MPHOSPH9: variants seen among roughly 807,000 people sequenced by gnomAD.
MPHOSPH9 encodes the protein M-phase phosphoprotein 9.
In MPHOSPH9, 88 loss-of-function variants were observed where a neutral mutation model predicts 145.5. That is an observed-to-expected ratio of 0.60 (90% CI 0.51 to 0.72). The LOEUF (loss-of-function observed/expected upper bound fraction) is 0.72. MPHOSPH9 is among the 30% of genes least tolerant of loss of function. The pLI, the probability that MPHOSPH9 is intolerant of heterozygous loss-of-function variation, is 0.00. For synonymous variants in MPHOSPH9, 435 were observed against 486.2 expected, an observed-to-expected ratio of 0.89 and a Z score of 1.39; for missense variants, 1,238 against 1,386.6, an observed-to-expected ratio of 0.89 and a Z score of 1.70.
intron 8 of MPHOSPH9, among the ~76,000 whole-genome samples, chr12:123,207,110 C>T (rs2046468017): frequency 7.4e-6 from 1 of 134,552 alleles, no homozygotes; most frequent in African/African-American, 2.7e-5. Context: ...TCTAAAGACT[C>T]TTTCCATAAG....
chr12:123,167,273 T>C (rs947647353), intron 16 of MPHOSPH9, among the ~76,000 whole-genome samples: 1 of 152,166 alleles, frequency 6.6e-6, no homozygotes, highest in Non-Finnish European at 1.5e-5. Flanking sequence ...GAACCAATTA[T>C]AAAACGTTAA....
chr12:123,224,340 T>C (rs1467795763), intron 3 of MPHOSPH9, among the ~76,000 whole-genome samples: 2 of 151,958 alleles, frequency 1.3e-5, no homozygotes, highest in Non-Finnish European at 2.9e-5. Flanking sequence ...TTCACCATGT[T>C]AGCCAGGATG....
At chr12:123,212,979 C>T (rs909966638) in intron 7 of MPHOSPH9, among the ~76,000 whole-genome samples, 3 of 150,718 alleles carry the variant, frequency 2.0e-5, no homozygotes, top group Admixed American at 2.0e-4. Context: ...CCTGCCTCAG[C>T]CTCTTGAGCA....
At chr12:123,197,447 C>T (rs1593163372) in intron 12 of MPHOSPH9, among the ~76,000 whole-genome samples, 1 of 152,002 alleles carries the variant, frequency 6.6e-6, no homozygotes, top group East Asian at 2.0e-4. Context: ...GCTAGGATTA[C>T]TGACATGAGC....
In MPHOSPH9 at chr12:123,183,547, C is replaced by CAAAAAAA. The variant is rs746928699; in HGVS notation, c.2242-2344_2242-2338dup. ...AAGGTGACAGAGCAAGACTCTGTCT[C>CAAAAAAA]AAAAAAAAAAAAAAAAAAAAAAAGA... is the stretch of plus-strand genomic sequence containing the variant. On this transcript the variant is annotated intron_variant, in intron 13 of 23. Transcript: ENST00000606320. Among the ~76,000 whole-genome samples, 43 of 59,472 alleles carry CAAAAAAA rather than the reference C, an allele frequency of 7.2e-4. 2 individuals are homozygous for CAAAAAAA. The highest frequency in any genetic ancestry group is 2.5e-3 in the East Asian group (4 of 1,592). 39.0% of individuals were successfully genotyped at this position (59,472 alleles called of 152,430 possible). A position where few individuals can be genotyped will look rare whatever the true frequency, so the allele number is the denominator to read the frequency against.
intron 13 of MPHOSPH9, among the ~76,000 whole-genome samples, chr12:123,184,023 T>C (rs560045740): frequency 2.3e-4 from 35 of 152,060 alleles, no homozygotes; most frequent in African/African-American, 6.7e-4. Context: ...CTGCGCAATA[T>C]AGCAAGACCC....
At chr12:123,171,790 A>G (rs1042594731) in intron 16 of MPHOSPH9, among the ~76,000 whole-genome samples, 5 of 152,112 alleles carry the variant, frequency 3.3e-5, no homozygotes, top group Admixed American at 2.0e-4. Flanking sequence ...TATTATATAT[A>G]TATCTCAAGC....
intron 13 of MPHOSPH9, among the ~76,000 whole-genome samples, chr12:123,186,227 C>CAAA (rs35294099): frequency 3.9e-5 from 4 of 101,292 alleles, no homozygotes; most frequent in South Asian, 3.0e-4. Flanking sequence ...AACTCCGTCT[C>CAAA]AAAAAAAAAA....
intron 12 of MPHOSPH9, among the ~76,000 whole-genome samples, chr12:123,194,824 G>A (rs1244092690): frequency 6.6e-6 from 1 of 151,862 alleles, no homozygotes; most frequent in Non-Finnish European, 1.5e-5. Flanking sequence ...GTTTCACTAT[G>A]TTGGCCAGGC....
chr12:123,202,499 T>C (rs929362667), intron 10 of MPHOSPH9, 125 bp downstream of exon 10: 12 of 1,210,068 alleles, frequency 9.9e-6, no homozygotes, highest in Middle Eastern at 2.0e-4. Flanking sequence ...AGTTTTTATA[T>C]GCTCCATCTT....
chr12:123,209,397 C>T (rs1356732205), intron 8 of MPHOSPH9, among the ~76,000 whole-genome samples: 1 of 151,520 alleles, frequency 6.6e-6, no homozygotes, highest in African/African-American at 2.4e-5. Flanking sequence ...TTGTAAAACA[C>T]AAACACACAC....
intron 1 of MPHOSPH9, among the ~76,000 whole-genome samples, chr12:123,238,496 C>G (rs1174633257): frequency 6.6e-6 from 1 of 152,016 alleles, no homozygotes; most frequent in African/African-American, 2.4e-5. Context: ...ACATGCTGGG[C>G]ATGGTGGCTC....
At position 123,161,181 on chromosome 12, in the gene MPHOSPH9, A is replaced by C. The variant is rs199916417; in HGVS notation, c.3336T>G (p.Ala1112=). ...GTTCATCAAAAAATCGTTCTGTTTCAGCTAGGGTCCGAATTTTTGCTGTAT... is the reference window on the plus strand; with the variant it reads ...GTTCATCAAAAAATCGTTCTGTTTCCGCTAGGGTCCGAATTTTTGCTGTAT... ...FEYTAKIRTL[A]ETERFFDELT... Residue 1112 remains alanine, a synonymous_variant, in exon 22 of 24, where the codon GCT becomes GCG. Coordinates refer to ENST00000606320, the MANE Select transcript of MPHOSPH9 (RefSeq NM_022782.4). 5.0e-6 allele frequency: 8 copies of C among 1,614,178 alleles called. 1 individual carries two copies. In the South Asian group the frequency reaches 8.8e-5, roughly 18 times the overall value.
Position 123,223,064 on chromosome 12 carries a change from G to A in MPHOSPH9, c.322C>T (p.Gln108Ter). 6.6e-7 allele frequency: 1 copy of A among 1,515,394 alleles called. No individual in the cohort carries two copies. The highest frequency in any genetic ancestry group is 8.8e-7 in the Non-Finnish European group (1 of 1,137,624). 93.9% of individuals were successfully genotyped at this position (1,515,394 alleles called of 1,614,324 possible). Residue 108 changes from glutamine (Q) to a stop codon, truncating the protein, a stop_gained, in exon 4 of 24, where the codon CAG (glutamine) becomes TAG (stop). Coordinates refer to ENST00000606320, the MANE Select transcript of MPHOSPH9 (RefSeq NM_022782.4). LOFTEE classifies it high-confidence loss of function. ...TGAATTTGGTTGTGGAACTGCTCCTGCTGGGCAACTATCTGTTCTTGGCAT... is the reference window on the plus strand; with the variant it reads ...TGAATTTGGTTGTGGAACTGCTCCTACTGGGCAACTATCTGTTCTTGGCAT... ...KQCQEQIVAQ[Q>*]EQFHNQIQHI...
chr12:123,177,400 T>C (rs1369048900), intron 15 of MPHOSPH9, among the ~76,000 whole-genome samples: 1 of 151,842 alleles, frequency 6.6e-6, no homozygotes, highest in East Asian at 2.0e-4. Flanking sequence ...CCAGGTGTGG[T>C]GGCATGCGCC....
intron 22 of MPHOSPH9, 73 bp from the exon 23 acceptor site, chr12:123,160,922 T>C: frequency 6.6e-7 from 1 of 1,516,692 alleles, no homozygotes; most frequent in Non-Finnish European, 9.0e-7. Flanking sequence ...AAAGAAAAGG[T>C]TTTGGCTTAG....
intron 12 of MPHOSPH9, among the ~76,000 whole-genome samples, chr12:123,195,704 T>C (rs1427227135): frequency 6.6e-6 from 1 of 151,874 alleles, no homozygotes; most frequent in Non-Finnish European, 1.5e-5. Flanking sequence ...AAATGTAAGA[T>C]TAACAAAAAA....
chr12:123,171,903 GC>G (rs2137993954), intron 16 of MPHOSPH9, among the ~76,000 whole-genome samples: 1 of 152,158 alleles, frequency 6.6e-6, no homozygotes, highest in South Asian at 2.1e-4. Flanking sequence ...GACAACTAAA[GC>G]CCCTGTGCAC....
intron 13 of MPHOSPH9, among the ~76,000 whole-genome samples, chr12:123,182,592 C>T (rs2045233346): frequency 6.6e-6 from 1 of 151,184 alleles, no homozygotes; most frequent in African/African-American, 2.4e-5. Context: ...AGTAAAAGCA[C>T]AATGCCAAAG....
Sources: gnomAD v4.1 joint callset for allele counts (sites outside exome capture counted in the v4.1 genomes callset) on GRCh38, gnomAD v4.1.1 for gene constraint, MANE v1.5 for transcripts, NCBI Gene and HGNC (gene_info 2026-07-23, HGNC 2026-07-21) for gene names.